Variants in TPST2 observed in about 807,000 individuals in gnomAD.
The protein encoded by TPST2 is tyrosylprotein sulfotransferase 2.
TPST2 carries 16 observed loss-of-function variants against 27.8 expected under a neutral mutation model. The observed-to-expected ratio is 0.58, with a 90% CI of 0.39 to 0.88. The LOEUF (loss-of-function observed/expected upper bound fraction) is 0.88, where lower values mean the gene tolerates loss of function less well. Among genes scored for constraint, TPST2 ranks in the 40% least tolerant of loss-of-function variants. The probability of loss-of-function intolerance (pLI) is 0.00; values close to 1 mark genes in which losing one functional copy is unlikely to be tolerated. For missense variants in TPST2, 464 were observed against 543.1 expected (o/e 0.85, Z 1.45); for synonymous variants, 229 against 231.7 (o/e 0.99, Z 0.10).
intron 1 of TPST2, among the ~76,000 whole-genome samples, chr22:26,566,701 G>A (rs1036161132): frequency 3.9e-5 from 6 of 152,276 alleles, no homozygotes; most frequent in East Asian, 3.9e-4. Context: ...GCAGTGAGCC[G>A]AGATTGAGCC....
At position 26,522,448 on chromosome 22, in the gene TPST2, T is replaced by C. The variant is rs946579195; in HGVS notation, c.*3827A>G. The C allele has an allele frequency of 1.3e-5, 2 of 152,226 alleles. No individual in the cohort carries two copies. The highest frequency in any genetic ancestry group is 6.5e-5 in the Admixed American group (1 of 15,274). The allele number at this position is 152,226 out of a possible 1,614,324, so 9.4% of individuals were successfully genotyped here. On this transcript the variant is annotated 3_prime_UTR_variant, in exon 7 of 7. Transcript: ENST00000338754. ...AAGTGACGGCTGACCCACTGATCCA[T>C]GGAACCCCCAAGAAAGGCTCTAGAA...
At chr22:26,533,084 G>C (rs1051631631) in intron 4 of TPST2, among the ~76,000 whole-genome samples, 3 of 152,134 alleles carry the variant, frequency 2.0e-5, no homozygotes, top group Non-Finnish European at 2.9e-5. Flanking sequence ...GTGGGATTAG[G>C]AGTAACCAGG....
rs145859999 is a variant in TPST2 at position 26,541,079 on chromosome 22, G to A, written c.552C>T (p.Asp184=). The A allele has an allele frequency of 8.1e-5, 131 of 1,609,124 alleles. No homozygotes were observed. The highest frequency in any genetic ancestry group is 1.3e-4 in the African/African-American group (10 of 74,976). Residue 184 remains aspartate, a synonymous_variant, in exon 3 of 7, where the codon GAC becomes GAT. Transcript: ENST00000338754. The surrounding 1 kb of genome is among the most constrained non-coding windows in gnomAD (Gnocchi z 5.9). ...TCATGGAGTGCACGGAGGCCCGGCC[G>A]TCCCGCACCATCAGCAGGAACTTGG... ...PNSKFLLMVR[D]GRASVHSMIT...
At chr22:26,579,426 G>A (rs189173136) in intron 1 of TPST2, among the ~76,000 whole-genome samples, 9 of 152,320 alleles carry the variant, frequency 5.9e-5, no homozygotes, top group Admixed American at 1.3e-4. Flanking sequence ...CCTGGGGCCC[G>A]GTGGGGAAGG....
chr22:26,579,667 T>C (rs1928012056), intron 1 of TPST2, among the ~76,000 whole-genome samples: 1 of 151,954 alleles, frequency 6.6e-6, no homozygotes, highest in Non-Finnish European at 1.5e-5. Flanking sequence ...GGATGAAAAG[T>C]TTTTAATGAG....
chr22:26,568,927 G>A (rs890569709), intron 1 of TPST2, among the ~76,000 whole-genome samples: 8 of 133,796 alleles, frequency 6.0e-5, no homozygotes, highest in Admixed American at 3.4e-4. Context: ...GCAGTGGCCC[G>A]ATCTCGGCTC....
chr22:26,534,452 AC>A lies in TPST2; in HGVS notation c.1042-1708del, dbSNP rs145180888. Among the ~76,000 whole-genome samples, 663 of 152,368 alleles carry A rather than the reference AC, an allele frequency of 4.4e-3. 2 individuals carry two copies. Among genetic ancestry groups the A allele is most frequent in the African/African-American group, 0.015 (641 of 41,574 alleles). On this transcript the variant is annotated intron_variant, in intron 4 of 6. Transcript: ENST00000338754. The stretch of plus-strand genomic sequence containing the variant: ...CAGCTTCCATTTTAAATAAACAAAC[AC>A]AAAAAGCTCCAAAGAGTTGATGTTA...
At chr22:26,577,733 A>G (rs1927913752) in intron 1 of TPST2, among the ~76,000 whole-genome samples, 1 of 139,696 alleles carries the variant, frequency 7.2e-6, no homozygotes, top group Non-Finnish European at 1.5e-5. Context: ...AGCTCGGCTC[A>G]CTGCAACCTC....
In TPST2 at chr22:26,524,948, G is replaced by A. The variant is rs984691144; in HGVS notation, c.*1327C>T. The A allele has an allele frequency of 6.6e-6, 1 of 152,178 alleles. No homozygotes were observed. Among genetic ancestry groups the A allele is most frequent in the African/African-American group, 2.4e-5 (1 of 41,442 alleles). The allele number at this position is 152,178 out of a possible 1,614,324, so 9.4% of individuals were successfully genotyped here. On this transcript the variant is annotated 3_prime_UTR_variant, in exon 7 of 7. Coordinates refer to ENST00000338754, the MANE Select transcript of TPST2 (RefSeq NM_003595.5). ...AGGCCAGATAGTTTGTGCTAATAAT[G>A]TGATTTATGGTGGGGACCTTGGGCC...
At chr22:26,570,610 C>A (rs980990167) in intron 1 of TPST2, among the ~76,000 whole-genome samples, 14 of 152,000 alleles carry the variant, frequency 9.2e-5, no homozygotes, top group African/African-American at 3.1e-4. Context: ...TCCCCACAGG[C>A]TGACATCTCC....
intron 1 of TPST2, among the ~76,000 whole-genome samples, chr22:26,578,874 C>G (rs1251266020): frequency 6.9e-6 from 1 of 144,082 alleles, no homozygotes; most frequent in Non-Finnish European, 1.5e-5. Context: ...TTTTTTGAGA[C>G]GGGGTCTCAC....
chr22:26,552,746 C>A (rs770918805), intron 1 of TPST2, among the ~76,000 whole-genome samples: 1 of 152,094 alleles, frequency 6.6e-6, no homozygotes, highest in African/African-American at 2.4e-5. Flanking sequence ...AGTTTGCCAA[C>A]CCCCTGGTCT....
At chr22:26,537,651 C>T (rs1282969591) in intron 3 of TPST2, among the ~76,000 whole-genome samples, 1 of 152,128 alleles carries the variant, frequency 6.6e-6, no homozygotes, top group African/African-American at 2.4e-5. Flanking sequence ...CGGGGTTTCA[C>T]CATGTTGGCC....
intron 1 of TPST2, among the ~76,000 whole-genome samples, chr22:26,580,568 T>G (rs1010053466): frequency 5.3e-5 from 8 of 152,352 alleles, no homozygotes; most frequent in East Asian, 1.9e-4. Context: ...TATTCATTTT[T>G]GTTCAATGGA....
chr22:26,551,579 C>A (rs892387898), intron 1 of TPST2, among the ~76,000 whole-genome samples: 3 of 152,082 alleles, frequency 2.0e-5, no homozygotes, highest in African/African-American at 7.2e-5. Context: ...TTACCTAAAA[C>A]CATCAAAGCA....
chr22:26,575,100 T>A (rs2147234956), intron 1 of TPST2, among the ~76,000 whole-genome samples: 1 of 152,194 alleles, frequency 6.6e-6, no homozygotes, highest in Non-Finnish European at 1.5e-5. Context: ...TAGGTTTGAC[T>A]CCCGCCCCTC....
rs577403951 is a variant in TPST2 at position 26,554,766 on chromosome 22, C to T, written c.-160-10091G>A. 1.8e-4 allele frequency among the ~76,000 whole-genome samples: 27 copies of T among 152,258 alleles called. 2 individuals carry two copies. The South Asian group carries it at 4.8e-3, about 27-fold the overall frequency. The stretch of plus-strand genomic sequence containing the variant: ...CAGCATGGCCAACATGGTGAAACCC[C>T]GTCTCTGCCAAAAATACAGAAATTA... On this transcript the variant is annotated intron_variant, in intron 1 of 6. Coordinates refer to ENST00000338754, the MANE Select transcript of TPST2 (RefSeq NM_003595.5).
chr22:26,550,828 G>T (rs534991384), intron 1 of TPST2, among the ~76,000 whole-genome samples: 3 of 152,200 alleles, frequency 2.0e-5, no homozygotes, highest in Admixed American at 6.5e-5. Context: ...GACCTATTGC[G>T]GGGGGAAGCC....
In TPST2 at chr22:26,525,415, T is replaced by C. The variant is rs1384764005; in HGVS notation, c.*860A>G. 1 of 152,242 alleles carries C rather than the reference T, an allele frequency of 6.6e-6. No homozygotes were observed. The highest frequency in any genetic ancestry group is 2.4e-5 in the African/African-American group (1 of 41,458). The allele number at this position is 152,242 out of a possible 1,614,324, so 9.4% of individuals were successfully genotyped here. A position where few individuals can be genotyped will look rare whatever the true frequency, so the allele number is the denominator to read the frequency against. On this transcript the variant is annotated 3_prime_UTR_variant, in exon 7 of 7. Transcript: ENST00000338754. ...TTTTAGTAGAGACGGGGTTTCACCA[T>C]GTTGGCCAGGCTGGTCTCGAACTCC...
Sources: gnomAD v4.1 joint callset for allele counts (sites outside exome capture counted in the v4.1 genomes callset) on GRCh38, gnomAD v4.1.1 for gene constraint, Gnocchi (gnomAD v3.1) non-coding constraint, MANE v1.5 for transcripts, NCBI Gene and HGNC (gene_info 2026-07-23, HGNC 2026-07-21) for gene names.